The following MIPOL1 variants were observed in gnomAD, a reference collection of about 807,000 sequenced individuals.
MIPOL1 encodes mirror-image polydactyly 1, also known as mirror-image polydactyly gene 1 protein.
A neutral mutation model predicts 60.9 loss-of-function variants in MIPOL1; 57 were observed. That is an observed-to-expected ratio of 0.94 (90% CI 0.76 to 1.17). The LOEUF is 1.17. MIPOL1 is among the 50% of genes most tolerant of loss of function. The pLI is 0.00. For synonymous variants in MIPOL1, 179 were observed against 168.8 expected (o/e 1.06, Z -0.47); for missense variants, 551 against 511.6 (o/e 1.08, Z -0.74).
chr14:37,253,810 A>G (rs1284280959), intron 3 of MIPOL1, among the ~76,000 whole-genome samples: 1 of 151,716 alleles, frequency 6.6e-6, no homozygotes, highest in Non-Finnish European at 1.5e-5. Flanking sequence ...AATTAATAAT[A>G]TTAATTTAGG....
chr14:37,271,894 C>T (rs1855474045), intron 6 of MIPOL1, among the ~76,000 whole-genome samples: 1 of 151,424 alleles, frequency 6.6e-6, no homozygotes, highest in Non-Finnish European at 1.5e-5. Context: ...AATGTGTCTG[C>T]CCAGCCCATT....
chr14:37,268,773 C>A lies in MIPOL1; in HGVS notation c.367C>A (p.Leu123Ile), dbSNP rs779847251. ...ATTTCTTCTAAAAGAATTGGATATT[C>A]TCAGAACAAGCAATAAAAAGGTATA... ...IAFLLKELDI[L>I]RTSNKKLQQK... Residue 123 changes from leucine (L) to isoleucine (I), a missense_variant, in exon 5 of 13, where the codon CTC (leucine) becomes ATC (isoleucine). Transcript: ENST00000684589. 28 of 1,584,682 alleles carry A rather than the reference C, an allele frequency of 1.8e-5. No individual in the cohort carries two copies. In the African/African-American group the frequency reaches 3.4e-4, roughly 19 times the overall value.
chr14:37,208,458 A>G (rs2139244140), intron 1 of MIPOL1, among the ~76,000 whole-genome samples: 1 of 152,330 alleles, frequency 6.6e-6, no homozygotes, highest in African/African-American at 2.4e-5. Context: ...ACATAGATCA[A>G]TTAATGTAGA....
intron 11 of MIPOL1, among the ~76,000 whole-genome samples, chr14:37,432,473 G>A (rs550489805): frequency 2.8e-4 from 43 of 152,262 alleles, no homozygotes; most frequent in Admixed American, 1.2e-3. Flanking sequence ...AGAACTCATT[G>A]ATAAATGTGT....
At chr14:37,456,207 C>CTTCTTTCATATATTCCATATA (rs2094474699) in intron 11 of MIPOL1, among the ~76,000 whole-genome samples, 1 of 151,936 alleles carries the variant, frequency 6.6e-6, no homozygotes, top group Non-Finnish European at 1.5e-5. Flanking sequence ...CCAAATTAGT[C>CTTCTTTCATATATTCCATATA]TTCTTTCATA....
rs560397401 is a variant in MIPOL1, at chr14:37,387,894, A to T, written c.936+18270A>T. On this transcript the variant is annotated intron_variant, in intron 10 of 12. Coordinates refer to ENST00000684589, the MANE Select transcript of MIPOL1 (RefSeq NM_001388067.1). Reference sequence around the variant, plus strand: ...AAATGAGAAAACTTCTAAGATCCAAAAGATGTATTAAAATAAATAAATAAA... The same window carrying T: ...AAATGAGAAAACTTCTAAGATCCAATAGATGTATTAAAATAAATAAATAAA... Among the ~76,000 whole-genome samples the T allele has an allele frequency of 5.9e-5, 9 of 152,008 alleles. No individual in the cohort carries two copies. In the South Asian group the frequency reaches 1.9e-3, roughly 32 times the overall value.
chr14:37,437,970 T>C (rs1259819513), intron 11 of MIPOL1, among the ~76,000 whole-genome samples: 1 of 152,174 alleles, frequency 6.6e-6, no homozygotes, highest in Non-Finnish European at 1.5e-5. Flanking sequence ...GTGAACACAA[T>C]ATGCAATCAT....
chr14:37,356,774 G>A lies in MIPOL1; in HGVS notation c.829-12743G>A, dbSNP rs113184774. 1.4e-4 allele frequency among the ~76,000 whole-genome samples: 21 copies of A among 152,248 alleles called. 1 individual carries two copies. The highest frequency in any genetic ancestry group is 3.9e-4 in the East Asian group (2 of 5,156). Reference sequence around the variant, plus strand: ...CCTCGCCCTGCTTCGGCTCACGCACGGTGCGCGAACCCACTGACCTGCGCC... The same window carrying A: ...CCTCGCCCTGCTTCGGCTCACGCACAGTGCGCGAACCCACTGACCTGCGCC... On this transcript the variant is annotated intron_variant, in intron 9 of 12. Coordinates refer to ENST00000684589, the MANE Select transcript of MIPOL1 (RefSeq NM_001388067.1).
intron 3 of MIPOL1, among the ~76,000 whole-genome samples, chr14:37,265,959 A>C (rs2082843269): frequency 6.6e-6 from 1 of 152,210 alleles, no homozygotes; most frequent in Non-Finnish European, 1.5e-5. Flanking sequence ...CATGTCACAC[A>C]GTATGGGTTC....
intron 11 of MIPOL1, among the ~76,000 whole-genome samples, chr14:37,469,433 C>T (rs972376864): frequency 6.6e-6 from 1 of 151,994 alleles, no homozygotes; most frequent in East Asian, 1.9e-4. Flanking sequence ...TGAGAAACCA[C>T]CCCCATTATC....
At chr14:37,406,168 G>C (rs1033402037) in intron 10 of MIPOL1, among the ~76,000 whole-genome samples, 5 of 152,076 alleles carry the variant, frequency 3.3e-5, no homozygotes, top group African/African-American at 9.7e-5. Flanking sequence ...AAGTTCACTT[G>C]ATTAAACCTG....
intron 11 of MIPOL1, among the ~76,000 whole-genome samples, chr14:37,460,862 G>A (rs780756276): frequency 8.6e-5 from 13 of 151,984 alleles, no homozygotes; most frequent in South Asian, 2.1e-4. Context: ...TCTAGGTGAC[G>A]CAAATGGAAA....
At chr14:37,337,589 C>T (rs760538075) in intron 9 of MIPOL1, among the ~76,000 whole-genome samples, 3 of 151,080 alleles carry the variant, frequency 2.0e-5, no homozygotes, top group East Asian at 3.9e-4. Flanking sequence ...AGGCTGGTCT[C>T]GAATTCCTGA....
chr14:37,416,342 G>A (rs1041365406), intron 10 of MIPOL1, among the ~76,000 whole-genome samples: 4 of 152,018 alleles, frequency 2.6e-5, no homozygotes, highest in Non-Finnish European at 5.9e-5. Context: ...CTTACAGTGG[G>A]GATACATTTT....
chr14:37,462,204 C>T (rs755727765), intron 11 of MIPOL1, among the ~76,000 whole-genome samples: 4 of 152,248 alleles, frequency 2.6e-5, no homozygotes, highest in Non-Finnish European at 5.9e-5. Flanking sequence ...AGGCTTAACA[C>T]CACGTGGAAG....
chr14:37,434,954 C>T (rs2094140655), intron 11 of MIPOL1, among the ~76,000 whole-genome samples: 1 of 151,804 alleles, frequency 6.6e-6, no homozygotes, highest in African/African-American at 2.4e-5. Flanking sequence ...TAAAATTAAC[C>T]ATCACACGTG....
rs551019184 is a variant in MIPOL1, at chr14:37,298,891, G to A, written c.624-9165G>A. 2.3e-3 allele frequency among the ~76,000 whole-genome samples: 350 copies of A among 149,410 alleles called. 2 individuals are homozygous for A. The highest frequency in any genetic ancestry group is 7.8e-3 in the African/African-American group (318 of 40,582). ...CAACCATTGTGGAAGACAGTGTGGCGATTCCTCAGGGATCTAGAACTAGAA... is the reference window on the plus strand; with the variant it reads ...CAACCATTGTGGAAGACAGTGTGGCAATTCCTCAGGGATCTAGAACTAGAA... On this transcript the variant is annotated intron_variant, in intron 7 of 12. Transcript: ENST00000684589.
intron 10 of MIPOL1, among the ~76,000 whole-genome samples, chr14:37,381,472 A>G (rs1248293465): frequency 6.6e-6 from 1 of 152,062 alleles, no homozygotes; most frequent in African/African-American, 2.4e-5. Context: ...AGCAGAGGTC[A>G]GGTTAGGTAA....
At chr14:37,209,552 C>T (rs1966609960) in intron 1 of MIPOL1, among the ~76,000 whole-genome samples, 1 of 152,102 alleles carries the variant, frequency 6.6e-6, no homozygotes, top group Admixed American at 6.6e-5. Flanking sequence ...CCCAGCTACT[C>T]AGTAGACTGA....
Sources: allele counts gnomAD v4.1 joint callset (sites outside exome capture counted in the v4.1 genomes callset), GRCh38; gene constraint gnomAD v4.1.1; transcripts MANE v1.5; gene names NCBI Gene and HGNC (gene_info 2026-07-23, HGNC 2026-07-21).